Variants in PDCD5 observed in about 807,000 individuals in gnomAD.
PDCD5 encodes the protein programmed cell death protein 5.
In PDCD5, 23 loss-of-function variants were observed where a neutral mutation model predicts 21.9. That is an observed-to-expected ratio of 1.05 (90% confidence interval 0.76 to 1.49). PDCD5 has a LOEUF of 1.49. Among genes scored for constraint, PDCD5 ranks in the 40% most tolerant of loss-of-function variants. PDCD5 has a pLI of 0.00. For missense variants in PDCD5, 152 were observed against 147.7 expected, an observed-to-expected ratio of 1.03 and a Z score of -0.15; for synonymous variants, 45 against 49.4, an observed-to-expected ratio of 0.91 and a Z score of 0.37.
intron 3 of PDCD5, 41 bp from the exon 4 acceptor site, chr19:32,585,775 G>A (rs949499523): frequency 5.2e-6 from 6 of 1,159,342 alleles, no homozygotes; most frequent in Non-Finnish European, 7.8e-6. Context: ...AAGTGCATTT[G>A]ATTTTAATGG....
rs1278273391 is a variant in PDCD5 at position 32,585,094 on chromosome 19, G to T, written c.166+83G>T. ...TTAGATACCATTATTGCTATCACTAGATGAAATATTTGCTTAGGCTGAAAA... is the reference window on the plus strand; with the variant it reads ...TTAGATACCATTATTGCTATCACTATATGAAATATTTGCTTAGGCTGAAAA... On this transcript the variant is annotated intron_variant, in intron 3 of 5. Transcript: ENST00000590247. The T allele has an allele frequency of 1.2e-5, 12 of 981,332 alleles. No homozygotes were observed. The South Asian group carries it at 1.3e-4, about 10-fold the overall frequency. 60.8% of individuals were successfully genotyped at this position (981,332 alleles called of 1,614,324 possible).
At chr19:32,586,592 C>G (rs577485613) in intron 4 of PDCD5, 59 of 1,197,142 alleles carry the variant, frequency 4.9e-5, no homozygotes, top group South Asian at 3.9e-4. Context: ...TAAAGGTGTT[C>G]TTAAATATGT....
At chr19:32,583,509 C>T (rs34156998) in intron 2 of PDCD5, among the ~76,000 whole-genome samples, 1 of 151,586 alleles carries the variant, frequency 6.6e-6, no homozygotes, top group Non-Finnish European at 1.5e-5. Flanking sequence ...TCTCAAACTC[C>T]TGGCTTCAAG....
At chr19:32,583,898 C>G (rs935283802) in intron 2 of PDCD5, among the ~76,000 whole-genome samples, 1 of 152,214 alleles carries the variant, frequency 6.6e-6, no homozygotes. Context: ...GTGGCACAAT[C>G]TTGGCTCACC....
Position 32,581,212 on chromosome 19 carries a change from C to T in PDCD5, c.-50C>T, listed in dbSNP as rs11084660. 1 of 1,378,170 alleles carries T rather than the reference C, an allele frequency of 7.3e-7. No individual in the cohort carries two copies. The highest frequency in any genetic ancestry group is 3.0e-5 in the East Asian group (1 of 33,188). The allele number at this position is 1,378,170 out of a possible 1,614,324, so 85.4% of individuals were successfully genotyped here. A position where few individuals can be genotyped will look rare whatever the true frequency, so the allele number is the denominator to read the frequency against. On this transcript the variant is annotated 5_prime_UTR_variant, in exon 1 of 6. Transcript: ENST00000590247. The stretch of plus-strand genomic sequence containing the variant: ...CGCAGTGGTCAAGGCCGCGCTCGCG[C>T]CGAGGGGCTGCGAGAGTGACCGCGG...
chr19:32,586,091 C>T (rs547271205), intron 4 of PDCD5, 184 bp downstream of exon 4: 94 of 1,538,236 alleles, frequency 6.1e-5, no homozygotes, highest in African/African-American at 1.8e-4. Context: ...TCCTCTGCTT[C>T]GCTCCTTTCC....
intron 4 of PDCD5, 55 bp from the exon 5 acceptor site, chr19:32,586,803 G>A (rs377167164): frequency 6.3e-7 from 1 of 1,579,130 alleles, no homozygotes; most frequent in Non-Finnish European, 8.6e-7. Flanking sequence ...ATCTGCAGAG[G>A]TAAATTCTTT....
chr19:32,586,073 T>A, intron 4 of PDCD5, 166 bp downstream of exon 4: 1 of 1,548,438 alleles, frequency 6.5e-7, no homozygotes, highest in Non-Finnish European at 8.7e-7. Context: ...AAATTGCCTT[T>A]CCTAAATTCC....
At chr19:32,586,667 T>G (rs768473078) in intron 4 of PDCD5, 191 bp from the exon 5 acceptor site, 2 of 1,312,790 alleles carry the variant, frequency 1.5e-6, no homozygotes, top group Non-Finnish European at 1.9e-6. Context: ...AAGTGAGGAA[T>G]AGCAGAGCAA....
intron 1 of PDCD5, chr19:32,581,621 T>G: frequency 3.2e-6 from 1 of 308,366 alleles, no homozygotes. Flanking sequence ...CCAAGCACAA[T>G]CTCAGCTTTT....
intron 3 of PDCD5, 145 bp downstream of exon 3, chr19:32,585,156 C>G (rs1313814155): frequency 2.9e-6 from 2 of 681,454 alleles, no homozygotes; most frequent in East Asian, 2.7e-5. Flanking sequence ...GTTTATAAAC[C>G]TAGAGAACTG....
At chr19:32,585,113 C>G (rs1356459634) in intron 3 of PDCD5, 102 bp downstream of exon 3, 2 of 865,098 alleles carry the variant, frequency 2.3e-6, no homozygotes, top group African/African-American at 3.3e-5. Flanking sequence ...TTTGCTTAGG[C>G]TGAAAACACT....
chr19:32,585,175 T>C (rs943704180), intron 3 of PDCD5, among the ~76,000 whole-genome samples, 164 bp downstream of exon 3: 3 of 152,192 alleles, frequency 2.0e-5, no homozygotes, highest in Non-Finnish European at 2.9e-5. Context: ...TGTACTTTAA[T>C]CCCTAGTAAA....
Position 32,584,991 on chromosome 19 carries a change from A to G in PDCD5, c.146A>G (p.Asp49Gly), listed in dbSNP as rs754217896. 9 of 1,613,944 alleles carry G rather than the reference A, an allele frequency of 5.6e-6. No individual in the cohort carries two copies. The highest frequency in any genetic ancestry group is 7.6e-6 in the Non-Finnish European group (9 of 1,179,912). ...AACAGTATCTTAGCCCAAGTTCTGG[A>G]TCAGTCGGCCCGGGCCAGGTGTAAG... ...MRNSILAQVL[D>G]QSARARLSNL... The change falls in exon 3 of 6, where the codon GAT (aspartate) becomes GGT (glycine). Residue 49 changes from aspartate to glycine, a missense_variant. Coordinates refer to ENST00000590247, the MANE Select transcript of PDCD5 (RefSeq NM_004708.4).
chr19:32,581,241 C>CGAGAG lies in PDCD5; in HGVS notation c.-21_-20insGAGAG. On this transcript the variant is annotated 5_prime_UTR_variant, in exon 1 of 6. Coordinates refer to ENST00000590247, the MANE Select transcript of PDCD5 (RefSeq NM_004708.4). ...GGGGCTGCGAGAGTGACCGCGGCTG[C>CGAGAG]TCCAGCGCTGACGCCGAGCCATGGC... 2 of 1,491,666 alleles carry CGAGAG rather than the reference C, an allele frequency of 1.3e-6. No individual in the cohort carries two copies. The highest frequency in any genetic ancestry group is 1.8e-6 in the Non-Finnish European group (2 of 1,121,976). 92.4% of individuals were successfully genotyped at this position (1,491,666 alleles called of 1,614,324 possible). A position where few individuals can be genotyped will look rare whatever the true frequency, so the allele number is the denominator to read the frequency against.
intron 3 of PDCD5, 111 bp downstream of exon 3, chr19:32,585,122 C>CT (rs1313118361): frequency 2.4e-6 from 2 of 816,718 alleles, no homozygotes; most frequent in Non-Finnish European, 4.3e-6. Context: ...GCTGAAAACA[C>CT]TTGAGATGTG....
Position 32,581,229 on chromosome 19 carries a change from T to G in PDCD5, c.-33T>G, listed in dbSNP as rs752378233. 2.7e-6 allele frequency: 4 copies of G among 1,458,272 alleles called. No individual in the cohort carries two copies. The highest frequency in any genetic ancestry group is 3.6e-6 in the Non-Finnish European group (4 of 1,100,396). 90.3% of individuals were successfully genotyped at this position (1,458,272 alleles called of 1,614,324 possible). ...CGCTCGCGCCGAGGGGCTGCGAGAGTGACCGCGGCTGCTCCAGCGCTGACG... is the reference window on the plus strand; with the variant it reads ...CGCTCGCGCCGAGGGGCTGCGAGAGGGACCGCGGCTGCTCCAGCGCTGACG... On this transcript the variant is annotated 5_prime_UTR_variant, in exon 1 of 6. Transcript: ENST00000590247.
intron 2 of PDCD5, among the ~76,000 whole-genome samples, chr19:32,584,529 T>C (rs558729124): frequency 1.3e-5 from 2 of 152,336 alleles, no homozygotes; most frequent in South Asian, 2.1e-4. Context: ...CAGTTACCTA[T>C]GTCTCTTTAG....
In PDCD5 at chr19:32,586,921, A is replaced by G. The variant is rs760230651; in HGVS notation, c.322A>G (p.Thr108Ala). The change falls in exon 5 of 6, where the codon ACA becomes GCA. Residue 108 changes from threonine to alanine, a missense_variant. Thr to Ala is a moderately conservative substitution (Grantham distance 58). Transcript: ENST00000590247. ...KVSQQTEKTT[T>A]VKFNRRKVMD... ...AAGCCAACAAACAGAAAAGACAACA[A>G]CAGTGAAAGTAAGTGTCCCCAGATG... 4 of 1,611,054 alleles carry G rather than the reference A, an allele frequency of 2.5e-6. No homozygotes were observed. Among genetic ancestry groups the G allele is most frequent in the Admixed American group, 1.7e-5 (1 of 59,650 alleles).
Sources: allele counts gnomAD v4.1 joint callset (sites outside exome capture counted in the v4.1 genomes callset), GRCh38; gene constraint gnomAD v4.1.1; transcripts MANE v1.5; gene names NCBI Gene and HGNC (gene_info 2026-07-23, HGNC 2026-07-21).